The following MEI4 variants were observed in gnomAD, a reference collection of about 807,000 sequenced individuals.
MEI4 encodes meiosis-specific protein MEI4.
A neutral mutation model predicts 31.4 loss-of-function variants in MEI4; 27 were observed. The observed-to-expected ratio is 0.86, with a 90% CI of 0.63 to 1.19. MEI4 has a LOEUF of 1.19. Ranked by LOEUF, MEI4 falls within the 50% of genes most tolerant of loss-of-function variation. MEI4 has a pLI of 0.00. For missense variants in MEI4, 329 were observed against 398.9 expected (o/e 0.82, Z 1.49); for synonymous variants, 122 against 145.4 (o/e 0.84, Z 1.16).
At chr6:77,883,745 A>ATATATATATCTAT (rs55947073) in intron 4 of MEI4, among the ~76,000 whole-genome samples, 18 of 82,308 alleles carry the variant, frequency 2.2e-4, no homozygotes, top group South Asian at 1.5e-3. Flanking sequence ...TATATATATA[A>ATATATATATCTAT]CTTTGTCTTT....
At chr6:77,835,265 C>A (rs760734034) in intron 4 of MEI4, among the ~76,000 whole-genome samples, 3 of 150,810 alleles carry the variant, frequency 2.0e-5, no homozygotes, top group Non-Finnish European at 4.4e-5. Flanking sequence ...GAGGCTGAGG[C>A]AGGAGAATCA....
intron 4 of MEI4, among the ~76,000 whole-genome samples, chr6:77,917,436 T>C (rs1179555823): frequency 6.6e-6 from 1 of 150,650 alleles, no homozygotes; most frequent in Admixed American, 6.7e-5. Flanking sequence ...ACACCTGTTG[T>C]TTCCTGACTT....
At chr6:77,857,856 AC>A (rs1185519835) in intron 4 of MEI4, among the ~76,000 whole-genome samples, 1 of 152,178 alleles carries the variant, frequency 6.6e-6, no homozygotes, top group Non-Finnish European at 1.5e-5. Context: ...CATGTTTTTA[AC>A]CGTATGTATT....
chr6:77,733,217 A>T (rs9361263), intron 2 of MEI4, among the ~76,000 whole-genome samples: 122,757 of 151,730 alleles, frequency 0.81, 49,970 homozygotes, highest in East Asian at 0.95. Context: ...AGCTCCTCCT[A>T]GTACCTCTGG....
chr6:77,858,460 A>G (rs1324901801), intron 4 of MEI4, among the ~76,000 whole-genome samples: 1 of 152,162 alleles, frequency 6.6e-6, no homozygotes, highest in Non-Finnish European at 1.5e-5. Context: ...TTTAACTTAC[A>G]TGGTACAATA....
intron 2 of MEI4, among the ~76,000 whole-genome samples, chr6:77,735,533 T>G (rs1302172628): frequency 2.0e-5 from 3 of 152,002 alleles, no homozygotes; most frequent in African/African-American, 4.8e-5. Context: ...TTATACATTC[T>G]TCTAAATTTT....
intron 1 of MEI4, among the ~76,000 whole-genome samples, chr6:77,683,651 G>T (rs1156393999): frequency 6.6e-6 from 1 of 152,044 alleles, no homozygotes; most frequent in African/African-American, 2.4e-5. Flanking sequence ...TCATGCAGAA[G>T]TTATCTTTCT....
At chr6:77,842,258 A>G (rs1770383337) in intron 4 of MEI4, among the ~76,000 whole-genome samples, 1 of 152,170 alleles carries the variant, frequency 6.6e-6, no homozygotes, top group Non-Finnish European at 1.5e-5. Flanking sequence ...TAATAGGAGT[A>G]CATCTAGAAA....
chr6:77,835,308 C>T (rs916054354), intron 4 of MEI4, among the ~76,000 whole-genome samples: 10 of 146,814 alleles, frequency 6.8e-5, no homozygotes, highest in Admixed American at 3.4e-4. Context: ...TGTTGTGAGC[C>T]GAGACTGCAC....
In MEI4 at chr6:77,710,436, C is replaced by T. The variant is rs546715002; in HGVS notation, c.232+19533C>T. ...ACTTGGGAGGCTGAGGCAGGAGAAT[C>T]GCTTGAACCTGGGAGGTGGAGATTG... On this transcript the variant is annotated intron_variant, in intron 2 of 4. Transcript: ENST00000684080. Among the ~76,000 whole-genome samples, 23 of 144,854 alleles carry T rather than the reference C, an allele frequency of 1.6e-4. No individual in the cohort carries two copies. In the South Asian group the frequency reaches 4.2e-3, roughly 26 times the overall value.
At chr6:77,875,972 A>G (rs1771325139) in intron 4 of MEI4, among the ~76,000 whole-genome samples, 1 of 152,146 alleles carries the variant, frequency 6.6e-6, no homozygotes, top group Non-Finnish European at 1.5e-5. Context: ...GAATGTGATG[A>G]TATAAATCAA....
chr6:77,886,678 C>T (rs1771627385), intron 4 of MEI4, among the ~76,000 whole-genome samples: 1 of 152,176 alleles, frequency 6.6e-6, no homozygotes, highest in Admixed American at 6.5e-5. Flanking sequence ...AGTGATCTGC[C>T]TACTTCGGCC....
At chr6:77,807,432 C>T (rs1435695509) in intron 3 of MEI4, among the ~76,000 whole-genome samples, 5 of 152,018 alleles carry the variant, frequency 3.3e-5, no homozygotes, top group Admixed American at 1.3e-4. Context: ...TAAACATTTA[C>T]AAAAGTAGGG....
chr6:77,803,287 G>T (rs144225064), intron 3 of MEI4, among the ~76,000 whole-genome samples: 43 of 151,974 alleles, frequency 2.8e-4, no homozygotes, highest in African/African-American at 1.0e-3. Flanking sequence ...TTGTGCATTC[G>T]TCACATAGCT....
At chr6:77,892,858 T>C (rs2127732650) in intron 4 of MEI4, among the ~76,000 whole-genome samples, 1 of 152,148 alleles carries the variant, frequency 6.6e-6, no homozygotes, top group East Asian at 2.0e-4. Flanking sequence ...GGCTCCATGC[T>C]GCATCTGCTT....
At chr6:77,722,008 C>T (rs1173669276) in intron 2 of MEI4, among the ~76,000 whole-genome samples, 2 of 124,926 alleles carry the variant, frequency 1.6e-5, no homozygotes, top group African/African-American at 6.0e-5. Context: ...TAAGCATTCC[C>T]TGAGGTAACA....
intron 1 of MEI4, among the ~76,000 whole-genome samples, chr6:77,690,036 G>T (rs1379893682): frequency 6.6e-6 from 1 of 151,950 alleles, no homozygotes; most frequent in Non-Finnish European, 1.5e-5. Context: ...TCAGAATGAC[G>T]ATTGGAAATC....
Position 77,808,156 on chromosome 6 carries a change from A to G in MEI4, c.769-20775A>G, listed in dbSNP as rs184658000. On this transcript the variant is annotated intron_variant, in intron 3 of 4. Coordinates refer to ENST00000684080, the MANE Select transcript of MEI4 (RefSeq NM_001322247.2). ...TCATTCTGAAAAGGGTCCCAGTTAC[A>G]AATATGATGGAATATGAAATGTCAA... is the stretch of plus-strand genomic sequence containing the variant. Among the ~76,000 whole-genome samples, 9 of 152,342 alleles carry G rather than the reference A, an allele frequency of 5.9e-5. No homozygotes were observed. In the East Asian group the frequency reaches 1.5e-3, roughly 26 times the overall value.
At chr6:77,701,257 G>C (rs987977260) in intron 2 of MEI4, among the ~76,000 whole-genome samples, 1 of 152,144 alleles carries the variant, frequency 6.6e-6, no homozygotes, top group East Asian at 1.9e-4. Flanking sequence ...CTGAGAAGGT[G>C]GATGAGAAAG....
Sources: allele counts gnomAD v4.1 joint callset (sites outside exome capture counted in the v4.1 genomes callset), GRCh38; gene constraint gnomAD v4.1.1; transcripts MANE v1.5; gene names NCBI Gene and HGNC (gene_info 2026-07-23, HGNC 2026-07-21).